The following BIVM variants were observed in gnomAD, a reference collection of about 807,000 sequenced individuals.
BIVM encodes basic immunoglobulin-like variable motif-containing protein.
In BIVM, 31 loss-of-function variants were observed where a neutral mutation model predicts 61.4. The observed-to-expected ratio is 0.51, with a 90% CI of 0.38 to 0.68. BIVM has a LOEUF of 0.68. Among genes scored for constraint, BIVM ranks in the 30% least tolerant of loss-of-function variants. The pLI is 0.00. For synonymous variants in BIVM, 189 were observed against 210.7 expected (o/e 0.90, Z 0.89); for missense variants, 526 against 596.0 (o/e 0.88, Z 1.22).
chr13:102,816,544 C>A lies in BIVM; in HGVS notation c.595C>A (p.Leu199Ile). Residue 199 changes from leucine to isoleucine, a missense_variant, in exon 4 of 11, where the codon CTC (leucine) becomes ATC (isoleucine). Coordinates refer to ENST00000257336, the MANE Select transcript of BIVM (RefSeq NM_017693.4). ...TATTAAACAGCGGAAAGTATTAGAC[C>A]TCAGACGATGGTGATGTTATCAGTT... ...EDIKQRKVLD[L>I]RRWYCISRPQ... The A allele has an allele frequency of 1.3e-6, 2 of 1,562,698 alleles. No individual in the cohort carries two copies. The highest frequency in any genetic ancestry group is 1.7e-6 in the Non-Finnish European group (2 of 1,161,034).
At chr13:102,821,220 T>C in intron 5 of BIVM, 88 bp downstream of exon 5, 2 of 1,143,746 alleles carry the variant, frequency 1.7e-6, no homozygotes, top group Admixed American at 2.8e-5. Flanking sequence ...AAGAATAGAT[T>C]TTTTATAAAT....
chr13:102,819,209 AGGGATAG>A (rs1392999060), intron 4 of BIVM, among the ~76,000 whole-genome samples: 1 of 152,230 alleles, frequency 6.6e-6, no homozygotes, highest in Non-Finnish European at 1.5e-5. Flanking sequence ...TCATGTTTCC[AGGGATAG>A]GGGAAAGGGG....
intron 3 of BIVM, among the ~76,000 whole-genome samples, chr13:102,815,690 C>T (rs1453755365): frequency 1.3e-5 from 2 of 152,144 alleles, no homozygotes; most frequent in East Asian, 3.8e-4. Flanking sequence ...TTTTGTCTAG[C>T]TCCCAATTCT....
At chr13:102,823,604 T>C (rs1880445955) in intron 7 of BIVM, among the ~76,000 whole-genome samples, 1 of 152,190 alleles carries the variant, frequency 6.6e-6, no homozygotes, top group African/African-American at 2.4e-5. Flanking sequence ...TATTTATTTC[T>C]GTTTCTAGTG....
intron 2 of BIVM, among the ~76,000 whole-genome samples, chr13:102,805,645 A>G (rs1019678658): frequency 2.6e-5 from 4 of 152,196 alleles, no homozygotes; most frequent in Non-Finnish European, 4.4e-5. Flanking sequence ...TCATTATTAC[A>G]AAAAGAAACT....
At chr13:102,800,730 C>G (rs541550840) in intron 1 of BIVM, 37 of 152,436 alleles carry the variant, frequency 2.4e-4, no homozygotes, top group African/African-American at 8.7e-4. Flanking sequence ...CTCTGGGGAC[C>G]CGCAGGTCTG....
At chr13:102,833,514 G>A (rs1881265835) in intron 8 of BIVM, among the ~76,000 whole-genome samples, 1 of 151,702 alleles carries the variant, frequency 6.6e-6, no homozygotes, top group African/African-American at 2.4e-5. Flanking sequence ...GGGGTTTCAG[G>A]GTTTCACCAT....
intron 9 of BIVM, among the ~76,000 whole-genome samples, chr13:102,838,099 A>G (rs1881608968): frequency 6.6e-6 from 1 of 152,226 alleles, no homozygotes; most frequent in African/African-American, 2.4e-5. Flanking sequence ...TCAGTGTGTT[A>G]TACTTTTTGA....
In BIVM at chr13:102,799,229, T is replaced by A; in HGVS notation, c.-499T>A. The A allele has an allele frequency of 3.1e-6, 1 of 318,104 alleles. No individual in the cohort carries two copies. Among genetic ancestry groups the A allele is most frequent in the Non-Finnish European group, 5.7e-6 (1 of 175,648 alleles). 19.7% of individuals were successfully genotyped at this position (318,104 alleles called of 1,614,324 possible). On this transcript the variant is annotated 5_prime_UTR_variant, in exon 1 of 11. Transcript: ENST00000257336. ...GACAGATAAACACCACAGATGCCCA[T>A]CAAAGGGGCGCACGGGTCTGGAGGC... is the stretch of plus-strand genomic sequence containing the variant.
At chr13:102,833,345 T>TTTTTTTTTTTTTTTTTTTTTC (rs71131027) in intron 8 of BIVM, among the ~76,000 whole-genome samples, 1 of 145,850 alleles carries the variant, frequency 6.9e-6, no homozygotes, top group African/African-American at 2.5e-5. Flanking sequence ...TTTTTTTTTT[T>TTTTTTTTTTTTTTTTTTTTTC]GAGACAAGGC....
intron 3 of BIVM, among the ~76,000 whole-genome samples, chr13:102,813,244 A>G (rs1015399803): frequency 1.3e-5 from 2 of 152,174 alleles, no homozygotes; most frequent in African/African-American, 4.8e-5. Flanking sequence ...GTTCACATAC[A>G]TTTATGAGAT....
At chr13:102,802,923 C>A (rs1219954993) in intron 1 of BIVM, among the ~76,000 whole-genome samples, 1 of 151,910 alleles carries the variant, frequency 6.6e-6, no homozygotes, top group Non-Finnish European at 1.5e-5. Flanking sequence ...CACTGTTACT[C>A]TTTTTATTAA....
In BIVM at chr13:102,838,624, C is replaced by T; in HGVS notation, c.1122-19C>T. 1.3e-6 allele frequency: 2 copies of T among 1,588,690 alleles called. No homozygotes were observed. Among genetic ancestry groups the T allele is most frequent in the Non-Finnish European group, 1.7e-6 (2 of 1,169,820 alleles). Reference sequence around the variant, plus strand: ...AGACCTAAAGAAAATTGTGCTTTATCCTTTCTTCTTAACTATAGATGGGCA... The same window carrying T: ...AGACCTAAAGAAAATTGTGCTTTATTCTTTCTTCTTAACTATAGATGGGCA... On this transcript the variant is annotated intron_variant, in intron 9 of 10. Coordinates refer to ENST00000257336, the MANE Select transcript of BIVM (RefSeq NM_017693.4).
chr13:102,813,706 T>C (rs781552427), intron 3 of BIVM, among the ~76,000 whole-genome samples: 5 of 152,174 alleles, frequency 3.3e-5, no homozygotes, highest in Non-Finnish European at 5.9e-5. Flanking sequence ...CTTCAAAGTG[T>C]TGATTTTTTT....
rs147405708 is a variant in BIVM, at chr13:102,832,657, T to C, written c.1034+960T>C. 9.8e-4 allele frequency among the ~76,000 whole-genome samples: 149 copies of C among 152,376 alleles called. 3 individuals are homozygous for C. In the East Asian group the frequency reaches 0.026, roughly 27 times the overall value. On this transcript the variant is annotated intron_variant, in intron 8 of 10. Coordinates refer to ENST00000257336, the MANE Select transcript of BIVM (RefSeq NM_017693.4). The stretch of plus-strand genomic sequence containing the variant: ...GAGTAAATTAAAAAGCATCTTCTTT[T>C]CTTAAAGTGAAGAATATGGAATTTG...
At chr13:102,831,541 T>G in intron 7 of BIVM, 24 bp from the exon 8 acceptor site, 1 of 1,613,818 alleles carries the variant, frequency 6.2e-7, no homozygotes. Context: ...GCTTTCAGTT[T>G]GTGTGTTTGT....
At chr13:102,814,415 A>T (rs1879727298) in intron 3 of BIVM, among the ~76,000 whole-genome samples, 2 of 152,128 alleles carry the variant, frequency 1.3e-5, no homozygotes, top group Admixed American at 1.3e-4. Context: ...GCAATCCGAG[A>T]TTCAACAAAA....
rs5806325 is a variant in BIVM at position 102,840,290 on chromosome 13, T to TAA, written c.*432_*433dup. The TAA allele has an allele frequency of 2.2e-4, 34 of 152,964 alleles. No homozygotes were observed. Among genetic ancestry groups the TAA allele is most frequent in the Non-Finnish European group, 3.2e-4 (22 of 68,768 alleles). 9.5% of individuals were successfully genotyped at this position (152,964 alleles called of 1,614,324 possible). ...CAAGATGTAAAGTACCATCTGCCCTTAAAAAAAATTGGGGCTGTCAATTTC... is the reference window on the plus strand; with the variant it reads ...CAAGATGTAAAGTACCATCTGCCCTTAAAAAAAAAATTGGGGCTGTCAATTTC... On this transcript the variant is annotated 3_prime_UTR_variant, in exon 11 of 11. Coordinates refer to ENST00000257336, the MANE Select transcript of BIVM (RefSeq NM_017693.4).
At chr13:102,821,278 A>G in intron 5 of BIVM, 146 bp downstream of exon 5, 2 of 697,866 alleles carry the variant, frequency 2.9e-6, no homozygotes. Context: ...AGCTTAAAAT[A>G]TATACATGTA....
Sources: gnomAD v4.1 joint callset for allele counts (sites outside exome capture counted in the v4.1 genomes callset) on GRCh38, gnomAD v4.1.1 for gene constraint, MANE v1.5 for transcripts, NCBI Gene and HGNC (gene_info 2026-07-23, HGNC 2026-07-21) for gene names.